The following DIAPH3 variants were observed in gnomAD, a reference collection of about 807,000 sequenced individuals.
The protein encoded by DIAPH3 is protein diaphanous homolog 3.
Under a neutral mutation model 144.3 loss-of-function variants are expected in DIAPH3, and 117 were observed. The ratio of observed to expected loss-of-function variants is 0.81; its 90% CI spans 0.70 to 0.95. DIAPH3 has a LOEUF of 0.95. Among genes scored for constraint, DIAPH3 ranks in the 40% least tolerant of loss-of-function variants. The pLI is 0.00. For missense variants in DIAPH3, 1,421 were observed against 1,412.7 expected (o/e 1.01, Z -0.09); for synonymous variants, 519 against 488.9 (o/e 1.06, Z -0.81).
At chr13:59,975,021 T>TA (rs1400395410) in intron 14 of DIAPH3, among the ~76,000 whole-genome samples, 1 of 151,920 alleles carries the variant, frequency 6.6e-6, no homozygotes, top group East Asian at 1.9e-4. Flanking sequence ...CCTAGTGAAA[T>TA]ACCTTCTGGA....
chr13:59,740,356 G>A (rs1303042593), intron 27 of DIAPH3, among the ~76,000 whole-genome samples: 2 of 152,038 alleles, frequency 1.3e-5, no homozygotes, highest in African/African-American at 2.4e-5. Flanking sequence ...TCTTTACCTT[G>A]GAGATGAGAA....
intron 27 of DIAPH3, among the ~76,000 whole-genome samples, chr13:59,765,984 C>T (rs1000729107): frequency 2.0e-5 from 3 of 152,208 alleles, no homozygotes; most frequent in African/African-American, 7.2e-5. Flanking sequence ...AGATGGAATA[C>T]AACAGCAGAA....
chr13:59,714,366 A>G (rs1449739360), intron 27 of DIAPH3, among the ~76,000 whole-genome samples: 1 of 130,980 alleles, frequency 7.6e-6, no homozygotes, highest in Non-Finnish European at 1.7e-5. Context: ...TCTCAAAAAA[A>G]AAAAAAAAAA....
chr13:59,751,875 C>T (rs1207477758), intron 27 of DIAPH3, among the ~76,000 whole-genome samples: 1 of 152,206 alleles, frequency 6.6e-6, no homozygotes, highest in African/African-American at 2.4e-5. Flanking sequence ...AATACCTCTG[C>T]AGTCAAGCTT....
chr13:59,855,728 G>C (rs2043217823), intron 22 of DIAPH3, among the ~76,000 whole-genome samples: 2 of 150,308 alleles, frequency 1.3e-5, no homozygotes, highest in Admixed American at 6.6e-5. Context: ...TATTCCCACA[G>C]GAAAATGAAA....
At chr13:59,942,808 C>T (rs1171732885) in intron 17 of DIAPH3, among the ~76,000 whole-genome samples, 1 of 152,036 alleles carries the variant, frequency 6.6e-6, no homozygotes, top group Non-Finnish European at 1.5e-5. Context: ...TTGCATTTTA[C>T]TTGTTTCACA....
At chr13:59,720,868 CACTG>C (rs1425237512) in intron 27 of DIAPH3, among the ~76,000 whole-genome samples, 3 of 152,078 alleles carry the variant, frequency 2.0e-5, no homozygotes, top group Admixed American at 1.3e-4. Context: ...TGCAAGTATT[CACTG>C]ACTATCTGGC....
intron 2 of DIAPH3, among the ~76,000 whole-genome samples, chr13:60,129,035 CA>C (rs1401696231): frequency 6.6e-6 from 1 of 151,950 alleles, no homozygotes; most frequent in Non-Finnish European, 1.5e-5. Context: ...GTCAGATGAA[CA>C]AAGAGATGAG....
chr13:60,029,952 C>A lies in DIAPH3; in HGVS notation c.626+12738G>T, dbSNP rs191031263. ...GCCACTGCCCACCTTCTCTGACAGC[C>A]TTTTGGATTCCACCATCCTCTCCTC... is the stretch of plus-strand genomic sequence containing the variant. On this transcript the variant is annotated intron_variant, in intron 5 of 27. Transcript: ENST00000400324. Among the ~76,000 whole-genome samples, 418 of 152,198 alleles carry A rather than the reference C, an allele frequency of 2.7e-3. 3 individuals carry two copies. Among genetic ancestry groups the A allele is most frequent in the Non-Finnish European group, 2.8e-3 (191 of 68,008 alleles).
In DIAPH3 at chr13:59,792,344, G is replaced by A. The variant is rs377487480; in HGVS notation, c.3164-17521C>T. Among the ~76,000 whole-genome samples, 12 of 152,174 alleles carry A rather than the reference G, an allele frequency of 7.9e-5. No individual in the cohort carries two copies. In the East Asian group the frequency reaches 2.3e-3, roughly 29 times the overall value. On this transcript the variant is annotated intron_variant, in intron 25 of 27. Coordinates refer to ENST00000400324, the MANE Select transcript of DIAPH3 (RefSeq NM_001042517.2). ...CAGTTACACTGCTGCCATCCCTCTG[G>A]GTCACTGTCATCTAATCACGCACAA...
intron 27 of DIAPH3, among the ~76,000 whole-genome samples, chr13:59,726,637 C>T (rs976135529): frequency 9.9e-5 from 15 of 152,146 alleles, no homozygotes; most frequent in African/African-American, 3.6e-4. Context: ...TCTCACTCCT[C>T]AATGCCTGGC....
At chr13:60,161,926 T>G (rs1952313558) in intron 1 of DIAPH3, among the ~76,000 whole-genome samples, 2 of 152,152 alleles carry the variant, frequency 1.3e-5, no homozygotes, top group Admixed American at 1.3e-4. Flanking sequence ...ACAAAATTAA[T>G]GAACTGGAAG....
At chr13:59,982,932 C>A (rs2051113069) in intron 13 of DIAPH3, among the ~76,000 whole-genome samples, 1 of 151,404 alleles carries the variant, frequency 6.6e-6, no homozygotes, top group Non-Finnish European at 1.5e-5. Context: ...GTATTGAGAA[C>A]CTGTCAGCCT....
chr13:59,850,253 T>C (rs1222662130), intron 22 of DIAPH3, among the ~76,000 whole-genome samples: 2 of 151,628 alleles, frequency 1.3e-5, no homozygotes, highest in South Asian at 4.2e-4. Context: ...TAAACAATCA[T>C]GTCGTCTGCA....
intron 2 of DIAPH3, among the ~76,000 whole-genome samples, chr13:60,120,327 GT>G (rs1184638959): frequency 6.6e-6 from 1 of 152,172 alleles, no homozygotes; most frequent in Non-Finnish European, 1.5e-5. Context: ...GCTGAGGCCA[GT>G]TTTAGGCCAT....
At chr13:59,991,544 A>G (rs2051811706) in intron 11 of DIAPH3, among the ~76,000 whole-genome samples, 1 of 151,922 alleles carries the variant, frequency 6.6e-6, no homozygotes. Flanking sequence ...GGTAGTAGGG[A>G]AGCTGGCTAT....
intron 4 of DIAPH3, among the ~76,000 whole-genome samples, chr13:60,056,413 A>G (rs920700466): frequency 9.2e-5 from 14 of 151,800 alleles, no homozygotes; most frequent in Admixed American, 7.9e-4. Context: ...ATGGATCTAC[A>G]TGTATTTCAT....
At chr13:59,710,055 T>A (rs2034647149) in intron 27 of DIAPH3, among the ~76,000 whole-genome samples, 1 of 146,270 alleles carries the variant, frequency 6.8e-6, no homozygotes, top group African/African-American at 2.6e-5. Context: ...TGAGAACACA[T>A]GGACACAGGA....
intron 5 of DIAPH3, chr13:60,034,573 G>A (rs1202009711): frequency 2.6e-5 from 4 of 152,096 alleles, no homozygotes; most frequent in Non-Finnish European, 4.4e-5. Flanking sequence ...TTCTGACCTG[G>A]GCCAGTTCAC....
Sources: gnomAD v4.1 joint callset for allele counts (sites outside exome capture counted in the v4.1 genomes callset) on GRCh38, gnomAD v4.1.1 for gene constraint, MANE v1.5 for transcripts, NCBI Gene and HGNC (gene_info 2026-07-23, HGNC 2026-07-21) for gene names.